The following SOX5 variants were observed in gnomAD, a reference collection of about 807,000 sequenced individuals.
SOX5 encodes SRY-box transcription factor 5, also known as transcription factor SOX-5.
SOX5 carries 9 observed loss-of-function variants against 92.0 expected under a neutral mutation model. That is an observed-to-expected ratio of 0.10 (90% CI 0.06 to 0.17). SOX5 has a LOEUF of 0.17. Ranked by LOEUF, SOX5 falls within the 10% of genes least tolerant of loss-of-function variation. The probability of loss-of-function intolerance (pLI) is 1.00; values close to 1 mark genes in which losing one functional copy is unlikely to be tolerated. For synonymous variants in SOX5, 344 were observed against 336.3 expected, an observed-to-expected ratio of 1.02 and a Z score of -0.25; for missense variants, 642 against 944.5, an observed-to-expected ratio of 0.68 and a Z score of 4.20.
intron 11 of SOX5, among the ~76,000 whole-genome samples, chr12:23,546,791 T>C (rs926182123): frequency 6.6e-6 from 1 of 152,186 alleles, no homozygotes; most frequent in Non-Finnish European, 1.5e-5. Flanking sequence ...AGTAGAAGTA[T>C]AGGAGTGGCG....
chr12:24,109,668 G>A (rs1327682812), intron 4 of SOX5, among the ~76,000 whole-genome samples: 1 of 152,060 alleles, frequency 6.6e-6, no homozygotes, highest in African/African-American at 2.4e-5. Context: ...TCTCTTTATA[G>A]GTGTTTTACT....
At chr12:23,631,915 G>T (rs1332011777) in intron 8 of SOX5, among the ~76,000 whole-genome samples, 1 of 151,990 alleles carries the variant, frequency 6.6e-6, no homozygotes, top group East Asian at 1.9e-4. Context: ...CTCTAGGGGT[G>T]GTAATAACTA....
At chr12:23,741,438 A>T (rs991253282) in intron 4 of SOX5, among the ~76,000 whole-genome samples, 1 of 152,168 alleles carries the variant, frequency 6.6e-6, no homozygotes, top group Admixed American at 6.5e-5. Flanking sequence ...GCTGGAAATA[A>T]AAAGATGTCC....
At chr12:23,827,666 G>A (rs2096253979) in intron 3 of SOX5, among the ~76,000 whole-genome samples, 1 of 152,188 alleles carries the variant, frequency 6.6e-6, no homozygotes, top group African/African-American at 2.4e-5. Context: ...TGGCACTGCG[G>A]ATACAGTTCT....
chr12:24,305,648 A>T (rs1948480728), intron 2 of SOX5, among the ~76,000 whole-genome samples: 1 of 152,100 alleles, frequency 6.6e-6, no homozygotes, highest in Non-Finnish European at 1.5e-5. Flanking sequence ...CCCAGGCTGG[A>T]GTGCAGTGGC....
intron 2 of SOX5, among the ~76,000 whole-genome samples, chr12:24,307,013 G>A (rs903590076): frequency 4.6e-5 from 7 of 152,040 alleles, no homozygotes; most frequent in African/African-American, 9.7e-5. Context: ...CAGGAAGATC[G>A]CTTGAGCTCA....
At chr12:24,438,910 T>C (rs1380030893) in intron 1 of SOX5, among the ~76,000 whole-genome samples, 1 of 152,262 alleles carries the variant, frequency 6.6e-6, no homozygotes, top group Non-Finnish European at 1.5e-5. Flanking sequence ...GATAAAGCAG[T>C]GGTTTGAGAG....
intron 1 of SOX5, among the ~76,000 whole-genome samples, chr12:24,547,178 ATTTTTTT>A (rs575562827): frequency 4.0e-5 from 4 of 99,764 alleles, no homozygotes; most frequent in Admixed American, 1.1e-4. Context: ...GATATCTAAC[ATTTTTTT>A]TTTTTTTTTT....
In SOX5 at chr12:24,291,330, C is replaced by T. The variant is rs544480877; in HGVS notation, c.-173-14018G>A. Among the ~76,000 whole-genome samples, 3 of 152,224 alleles carry T rather than the reference C, an allele frequency of 2.0e-5. No individual in the cohort carries two copies. The South Asian group carries it at 6.2e-4, about 32-fold the overall frequency. On this transcript the variant is annotated intron_variant, in intron 2 of 4. Transcript: ENST00000446891. ...TTCCAACAAGGTCAACATCAACGTTCCAAAGGCATGAGCAGGTAAGCTAAA... is the reference window on the plus strand; with the variant it reads ...TTCCAACAAGGTCAACATCAACGTTTCAAAGGCATGAGCAGGTAAGCTAAA...
chr12:23,684,242 G>C (rs1039672553), intron 6 of SOX5, among the ~76,000 whole-genome samples: 1 of 151,742 alleles, frequency 6.6e-6, no homozygotes, highest in African/African-American at 2.4e-5. Context: ...ACCTAATGAC[G>C]GTTCCTTTGG....
Position 23,906,941 on chromosome 12 carries a change from C to CAA in SOX5, c.39-10919_39-10918dup, listed in dbSNP as rs34474115. Among the ~76,000 whole-genome samples, 129 of 139,466 alleles carry CAA rather than the reference C, an allele frequency of 9.2e-4. 3 individuals are homozygous for CAA. The Middle Eastern group carries it at 0.021, about 23-fold the overall frequency. 91.5% of individuals were successfully genotyped at this position (139,466 alleles called of 152,430 possible). ...GGTTATAGACAGCCGAATAGACAGC[C>CAA]AAAAAAAAAAAAATACTGTGTGAAA... is the stretch of plus-strand genomic sequence containing the variant. On this transcript the variant is annotated intron_variant, in intron 1 of 14. Coordinates refer to ENST00000451604, the MANE Select transcript of SOX5 (RefSeq NM_006940.6).
At chr12:23,910,983 A>G (rs1186507646) in intron 1 of SOX5, among the ~76,000 whole-genome samples, 1 of 152,162 alleles carries the variant, frequency 6.6e-6, no homozygotes, top group South Asian at 2.1e-4. Flanking sequence ...TTCATGTAGT[A>G]GCCCACTTTC....
chr12:24,369,078 T>C (rs1956458926), intron 1 of SOX5, among the ~76,000 whole-genome samples: 2 of 152,082 alleles, frequency 1.3e-5, no homozygotes. Context: ...TGTTCAAAGG[T>C]TTAAAGGAGA....
chr12:23,791,426 G>A (rs1431240642), intron 3 of SOX5, among the ~76,000 whole-genome samples: 5 of 152,104 alleles, frequency 3.3e-5, no homozygotes, highest in East Asian at 1.9e-4. Flanking sequence ...CTCAGCACCC[G>A]GAGTAGCTGC....
chr12:24,177,048 T>C (rs918425751), intron 4 of SOX5, among the ~76,000 whole-genome samples: 7 of 151,978 alleles, frequency 4.6e-5, no homozygotes, highest in Admixed American at 2.6e-4. Flanking sequence ...ACAGGTCACT[T>C]CTTTATTCAA....
chr12:24,065,645 C>CAAAA (rs71445983), intron 4 of SOX5, among the ~76,000 whole-genome samples: 183 of 81,512 alleles, frequency 2.2e-3, no homozygotes, highest in African/African-American at 3.2e-3. Flanking sequence ...GACTCCATCT[C>CAAAA]AAAAAAAAAA....
chr12:24,027,965 C>G (rs985194470), intron 4 of SOX5, among the ~76,000 whole-genome samples: 4 of 151,966 alleles, frequency 2.6e-5, no homozygotes, highest in African/African-American at 9.7e-5. Context: ...CTCCTAACTG[C>G]GTTGATCATT....
chr12:24,095,184 G>A (rs1009523134), intron 4 of SOX5, among the ~76,000 whole-genome samples: 4 of 151,276 alleles, frequency 2.6e-5, no homozygotes, highest in Non-Finnish European at 5.9e-5. Context: ...GAGACAGAGA[G>A]AGAGAGAGAG....
At chr12:24,482,691 A>G (rs1414856931) in intron 1 of SOX5, among the ~76,000 whole-genome samples, 1 of 152,196 alleles carries the variant, frequency 6.6e-6, no homozygotes, top group East Asian at 1.9e-4. Context: ...ATAAGTCTTC[A>G]TTTATGATTT....
Sources: allele counts gnomAD v4.1 joint callset (sites outside exome capture counted in the v4.1 genomes callset), GRCh38; gene constraint gnomAD v4.1.1; transcripts MANE v1.5; gene names NCBI Gene and HGNC (gene_info 2026-07-23, HGNC 2026-07-21).